Variants in ADCY8 observed in about 807,000 individuals in gnomAD.
The protein encoded by ADCY8 is adenylate cyclase type 8.
Under a neutral mutation model 119.7 loss-of-function variants are expected in ADCY8, and 51 were observed. The ratio of observed to expected loss-of-function variants is 0.43; its 90% confidence interval spans 0.34 to 0.54. The LOEUF (loss-of-function observed/expected upper bound fraction) is 0.54, where lower values mean the gene tolerates loss of function less well. ADCY8 is among the 20% of genes least tolerant of loss of function. ADCY8 has a pLI of 0.03. For synonymous variants in ADCY8, 665 were observed against 651.0 expected (o/e 1.02, Z -0.33); for missense variants, 1,383 against 1,598.8 (o/e 0.87, Z 2.30).
chr8:130,889,517 G>C (rs999288878), intron 7 of ADCY8, among the ~76,000 whole-genome samples: 1 of 152,110 alleles, frequency 6.6e-6, no homozygotes, highest in African/African-American at 2.4e-5. Context: ...TTGGGAAACA[G>C]TGCTTTAAAG....
chr8:130,943,897 G>T (rs987576268), intron 3 of ADCY8, among the ~76,000 whole-genome samples: 2 of 152,124 alleles, frequency 1.3e-5, no homozygotes, highest in Non-Finnish European at 2.9e-5. Context: ...TCATCATCTT[G>T]AACCCAATGA....
At chr8:130,940,946 A>G (rs1031194053) in intron 4 of ADCY8, among the ~76,000 whole-genome samples, 3 of 152,202 alleles carry the variant, frequency 2.0e-5, no homozygotes, top group African/African-American at 7.2e-5. Context: ...AATCACAGGG[A>G]TGTATACTTT....
chr8:130,870,868 G>A (rs1407855125), intron 8 of ADCY8, among the ~76,000 whole-genome samples: 3 of 152,152 alleles, frequency 2.0e-5, no homozygotes, highest in Non-Finnish European at 2.9e-5. Context: ...TGTGAGCAAA[G>A]CCAATTTCTT....
intron 10 of ADCY8, 77 bp from the exon 11 acceptor site, chr8:130,847,590 T>C (rs1344676780): frequency 1.2e-5 from 14 of 1,214,194 alleles, no homozygotes; most frequent in African/African-American, 3.1e-5. Context: ...GTGCTGGAAA[T>C]GGAGCAGTGT....
At chr8:130,841,400 C>T (rs1817137651) in intron 11 of ADCY8, among the ~76,000 whole-genome samples, 1 of 152,130 alleles carries the variant, frequency 6.6e-6, no homozygotes. Context: ...AATGTCTGTA[C>T]TGAAAAAATT....
chr8:130,941,114 T>C (rs940736430), intron 4 of ADCY8, among the ~76,000 whole-genome samples: 1 of 152,226 alleles, frequency 6.6e-6, no homozygotes, highest in Admixed American at 6.5e-5. Flanking sequence ...AAAAACTTTA[T>C]AGTATTTTAT....
chr8:130,904,063 T>A, intron 6 of ADCY8, 21 bp from the exon 7 acceptor site: 1 of 1,600,778 alleles, frequency 6.2e-7, no homozygotes, highest in South Asian at 1.1e-5. Context: ...AAGGCATAGG[T>A]CATTACACAC....
intron 9 of ADCY8, among the ~76,000 whole-genome samples, chr8:130,862,475 C>A (rs1817967969): frequency 6.6e-6 from 1 of 152,148 alleles, no homozygotes; most frequent in Non-Finnish European, 1.5e-5. Context: ...TGCAGCGGCG[C>A]AATCTTGGCT....
chr8:130,950,880 G>T (rs1309174055), intron 3 of ADCY8, among the ~76,000 whole-genome samples: 2 of 151,944 alleles, frequency 1.3e-5, no homozygotes, highest in Non-Finnish European at 2.9e-5. Flanking sequence ...TTGTATTTTT[G>T]GTAGAGATGG....
At chr8:131,022,951 G>A (rs112728360) in intron 1 of ADCY8, among the ~76,000 whole-genome samples, 2 of 152,142 alleles carry the variant, frequency 1.3e-5, no homozygotes, top group African/African-American at 4.8e-5. Context: ...AGCATGTACA[G>A]GGTGGTGATG....
intron 5 of ADCY8, among the ~76,000 whole-genome samples, chr8:130,935,699 G>A (rs1159015568): frequency 1.3e-5 from 2 of 152,190 alleles, no homozygotes; most frequent in Non-Finnish European, 1.5e-5. Flanking sequence ...TCATTTAGAG[G>A]CTGTACGCCT....
intron 12 of ADCY8, among the ~76,000 whole-genome samples, chr8:130,822,509 T>C (rs1432777892): frequency 7.2e-6 from 1 of 138,684 alleles, no homozygotes; most frequent in African/African-American, 2.8e-5. Context: ...CATCCATTCA[T>C]GAATCCATGA....
At chr8:130,958,804 T>G (rs1217961122) in intron 2 of ADCY8, among the ~76,000 whole-genome samples, 2 of 152,206 alleles carry the variant, frequency 1.3e-5, no homozygotes, top group Non-Finnish European at 2.9e-5. Context: ...TCACACTCTT[T>G]TCCTGTTTTA....
At chr8:130,931,595 T>G (rs1054901244) in intron 5 of ADCY8, among the ~76,000 whole-genome samples, 3 of 152,310 alleles carry the variant, frequency 2.0e-5, no homozygotes, top group South Asian at 2.1e-4. Flanking sequence ...GCTCTTTTGA[T>G]GTTGTCCTAT....
chr8:130,800,636 TC>T, intron 14 of ADCY8, 64 bp from the exon 15 acceptor site: 1 of 1,571,516 alleles, frequency 6.4e-7, no homozygotes, highest in Admixed American at 1.7e-5. Context: ...CAGTGATGCT[TC>T]CTGTGCACAC....
At chr8:130,886,915 C>A (rs77161448) in intron 7 of ADCY8, among the ~76,000 whole-genome samples, 1,922 of 151,880 alleles carry the variant, frequency 0.013, 13 homozygotes, top group Middle Eastern at 0.028. Context: ...CTTTAAATTT[C>A]AGTAGCAGCA....
chr8:131,023,150 G>A (rs957267485), intron 1 of ADCY8, among the ~76,000 whole-genome samples: 12 of 152,182 alleles, frequency 7.9e-5, no homozygotes, highest in African/African-American at 2.9e-4. Flanking sequence ...TGGACAGGAT[G>A]TGTGCAAACC....
chr8:130,875,244 C>T (rs1410724578), intron 8 of ADCY8, among the ~76,000 whole-genome samples: 9 of 152,132 alleles, frequency 5.9e-5, no homozygotes, highest in Admixed American at 3.3e-4. Context: ...GATTTCTTCC[C>T]GAAGCCTCTT....
chr8:130,831,563 C>A (rs1816835529), intron 12 of ADCY8, among the ~76,000 whole-genome samples: 2 of 152,136 alleles, frequency 1.3e-5, no homozygotes, highest in African/African-American at 4.8e-5. Context: ...TGTGCAGAAG[C>A]TCATTTGAGA....
Sources: allele counts gnomAD v4.1 joint callset (sites outside exome capture counted in the v4.1 genomes callset), GRCh38; gene constraint gnomAD v4.1.1; transcripts MANE v1.5; gene names NCBI Gene and HGNC (gene_info 2026-07-23, HGNC 2026-07-21).